SPOCK3: variants seen among roughly 807,000 people sequenced by gnomAD.
SPOCK3 encodes the protein testican-3.
SPOCK3 carries 30 observed loss-of-function variants against 56.6 expected under a neutral mutation model. The observed-to-expected ratio is 0.53, with a 90% CI of 0.40 to 0.72. SPOCK3 has a LOEUF of 0.72. Ranked by LOEUF, SPOCK3 falls within the 30% of genes least tolerant of loss-of-function variation. The pLI is 0.00. For synonymous variants in SPOCK3, 196 were observed against 183.3 expected, an observed-to-expected ratio of 1.07 and a Z score of -0.56; for missense variants, 527 against 530.0, an observed-to-expected ratio of 0.99 and a Z score of 0.06.
chr4:167,045,806 T>C (rs1231126134), intron 3 of SPOCK3, among the ~76,000 whole-genome samples: 2 of 152,148 alleles, frequency 1.3e-5, no homozygotes, highest in Non-Finnish European at 2.9e-5. Context: ...GAATACACTG[T>C]TGCTATTATA....
intron 4 of SPOCK3, among the ~76,000 whole-genome samples, chr4:166,973,966 A>G (rs1204668619): frequency 2.0e-5 from 3 of 152,200 alleles, no homozygotes; most frequent in African/African-American, 7.2e-5. Context: ...TATCTGATAA[A>G]CAAATATTGC....
At chr4:167,166,686 C>T (rs574737668) in intron 2 of SPOCK3, among the ~76,000 whole-genome samples, 4 of 152,140 alleles carry the variant, frequency 2.6e-5, no homozygotes, top group East Asian at 1.9e-4. Flanking sequence ...TGAAATGTGG[C>T]CCACCAATCA....
At chr4:167,159,382 T>A (rs1345972091) in intron 2 of SPOCK3, among the ~76,000 whole-genome samples, 2 of 151,894 alleles carry the variant, frequency 1.3e-5, no homozygotes, top group African/African-American at 2.4e-5. Context: ...CCTTCTCTCA[T>A]AAAGCAGGTC....
chr4:167,116,622 T>TAC (rs1306662164), intron 2 of SPOCK3, among the ~76,000 whole-genome samples: 419 of 125,374 alleles, frequency 3.3e-3, no homozygotes, highest in African/African-American at 6.3e-3. Flanking sequence ...CGTATATATA[T>TAC]ACATATATAC....
intron 2 of SPOCK3, among the ~76,000 whole-genome samples, chr4:167,120,524 C>T (rs899835407): frequency 6.6e-6 from 1 of 151,890 alleles, no homozygotes; most frequent in Non-Finnish European, 1.5e-5. Context: ...TATAAAAATG[C>T]TTTGGAAAAA....
rs1747155381 is a variant in SPOCK3, at chr4:166,986,283, C to T, written c.350+14066G>A. On this transcript the variant is annotated intron_variant, in intron 4 of 10. Transcript: ENST00000357545. ...ATTTTACTCATAGCAAGGATGCTAGCATGTTGAAGTGTTACCCATCACACC... is the reference window on the plus strand; with the variant it reads ...ATTTTACTCATAGCAAGGATGCTAGTATGTTGAAGTGTTACCCATCACACC... 2.6e-5 allele frequency among the ~76,000 whole-genome samples: 4 copies of T among 152,140 alleles called. No homozygotes were observed. The South Asian group carries it at 8.3e-4, about 31-fold the overall frequency.
chr4:167,171,298 G>C (rs992521736), intron 2 of SPOCK3, among the ~76,000 whole-genome samples: 2 of 152,054 alleles, frequency 1.3e-5, no homozygotes, highest in African/African-American at 4.8e-5. Context: ...AGTTTTGTTT[G>C]GTCACATCCA....
At chr4:167,102,146 C>A (rs1027092586) in intron 2 of SPOCK3, among the ~76,000 whole-genome samples, 7 of 151,958 alleles carry the variant, frequency 4.6e-5, no homozygotes, top group African/African-American at 1.7e-4. Context: ...GAAGAGGAAG[C>A]CTTATAAGGA....
At chr4:166,900,521 A>C (rs1735925426) in intron 5 of SPOCK3, among the ~76,000 whole-genome samples, 1 of 152,070 alleles carries the variant, frequency 6.6e-6, no homozygotes, top group Admixed American at 6.6e-5. Context: ...GGCTATATAT[A>C]CCTATTTTAA....
chr4:167,080,242 G>A (rs537741288), intron 2 of SPOCK3, among the ~76,000 whole-genome samples: 11 of 152,146 alleles, frequency 7.2e-5, no homozygotes, highest in Admixed American at 2.0e-4. Flanking sequence ...AGTATTGTCT[G>A]ACTTATGTTC....
intron 4 of SPOCK3, among the ~76,000 whole-genome samples, chr4:166,952,937 G>C (rs142185500): frequency 1.3e-5 from 2 of 148,606 alleles, no homozygotes; most frequent in African/African-American, 5.1e-5. Flanking sequence ...ATCAATTCAA[G>C]ATGGATTAAA....
At chr4:166,882,592 C>T (rs112739104) in intron 6 of SPOCK3, among the ~76,000 whole-genome samples, 1,714 of 152,252 alleles carry the variant, frequency 0.011, 19 homozygotes, top group Non-Finnish European at 0.018. Context: ...TTTAGTGCTA[C>T]AAGAATTAAT....
At position 167,113,045 on chromosome 4, in the gene SPOCK3, C is replaced by A. The variant is rs376314677; in HGVS notation, c.190-50508G>T. ...TCATATTGATTTTGTATCTTAGCAG[C>A]AGGTAGAAAGAATCAACGTGAAAAG... On this transcript the variant is annotated intron_variant, in intron 2 of 10. Transcript: ENST00000357545. Among the ~76,000 whole-genome samples, 14 of 152,092 alleles carry A rather than the reference C, an allele frequency of 9.2e-5. No homozygotes were observed. The South Asian group carries it at 2.9e-3, about 32-fold the overall frequency.
chr4:167,018,023 G>A (rs1212948280), intron 3 of SPOCK3, among the ~76,000 whole-genome samples: 1 of 151,594 alleles, frequency 6.6e-6, no homozygotes. Flanking sequence ...TCTCTTTTAG[G>A]GACTTGGGAA....
Position 166,990,465 on chromosome 4 carries a change from T to C in SPOCK3, c.350+9884A>G, listed in dbSNP as rs192768017. ...AGAAAATAGTAAAATAAAGCAAGAA[T>C]TTAGGAATAGAAAGATTATTCAGGC... On this transcript the variant is annotated intron_variant, in intron 4 of 10. Transcript: ENST00000357545. Among the ~76,000 whole-genome samples the C allele has an allele frequency of 5.9e-5, 9 of 152,132 alleles. No individual in the cohort carries two copies. In the East Asian group the frequency reaches 1.7e-3, roughly 29 times the overall value.
At chr4:166,954,631 T>A (rs1166678884) in intron 4 of SPOCK3, among the ~76,000 whole-genome samples, 2 of 152,216 alleles carry the variant, frequency 1.3e-5, no homozygotes, top group African/African-American at 4.8e-5. Flanking sequence ...TGAATTTATT[T>A]CTGGGCTCTC....
At chr4:166,901,887 T>C (rs1736089956) in intron 5 of SPOCK3, among the ~76,000 whole-genome samples, 1 of 151,984 alleles carries the variant, frequency 6.6e-6, no homozygotes. Flanking sequence ...AATTAAAAGC[T>C]ACATGAGATA....
At chr4:167,191,719 C>A (rs1469996447) in intron 2 of SPOCK3, among the ~76,000 whole-genome samples, 3 of 144,732 alleles carry the variant, frequency 2.1e-5, no homozygotes, top group Non-Finnish European at 4.5e-5. Flanking sequence ...AAGATTATAT[C>A]ATCTGCAAAC....
At chr4:167,041,568 G>A (rs1481988057) in intron 3 of SPOCK3, among the ~76,000 whole-genome samples, 1 of 152,010 alleles carries the variant, frequency 6.6e-6, no homozygotes, top group Non-Finnish European at 1.5e-5. Context: ...TACAAATTTT[G>A]AAAGATTTTT....
Sources: gnomAD v4.1 joint callset for allele counts (sites outside exome capture counted in the v4.1 genomes callset) on GRCh38, gnomAD v4.1.1 for gene constraint, MANE v1.5 for transcripts, NCBI Gene and HGNC (gene_info 2026-07-23, HGNC 2026-07-21) for gene names.